NECTIN3: variants seen among roughly 807,000 people sequenced by gnomAD.
NECTIN3 encodes nectin cell adhesion molecule 3, also known as nectin-3.
In NECTIN3, 8 loss-of-function variants were observed where a neutral mutation model predicts 49.4. The observed-to-expected ratio is 0.16, with a 90% confidence interval of 0.10 to 0.29. The LOEUF (loss-of-function observed/expected upper bound fraction) is 0.29. Ranked by LOEUF, NECTIN3 falls within the 10% of genes least tolerant of loss-of-function variation. NECTIN3 has a pLI of 1.00. For synonymous variants in NECTIN3, 277 were observed against 241.1 expected (o/e 1.15, Z -1.38); for missense variants, 581 against 654.6 (o/e 0.89, Z 1.23).
rs547799213 is a variant in NECTIN3 at position 111,166,604 on chromosome 3, A to C, written c.1221+19120A>C. On this transcript the variant is annotated intron_variant, in intron 7 of 8. Coordinates refer to the NECTIN3 transcript ENST00000493615. ...TGTTTTCTGTGCCTACTTGATGTTT[A>C]TCTAATTTGAGATCTGGGATCAATC... Among the ~76,000 whole-genome samples, 5 of 152,358 alleles carry C rather than the reference A, an allele frequency of 3.3e-5. No individual in the cohort carries two copies. In the South Asian group the frequency reaches 1.0e-3, roughly 32 times the overall value.
chr3:111,184,381 A>G (rs1192544921), intron 7 of NECTIN3, among the ~76,000 whole-genome samples: 2 of 152,208 alleles, frequency 1.3e-5, no homozygotes, highest in Non-Finnish European at 2.9e-5. Context: ...ACCTTCATTA[A>G]TAGATTAATA....
At chr3:111,162,533 T>G (rs2035234252) in intron 7 of NECTIN3, among the ~76,000 whole-genome samples, 1 of 152,234 alleles carries the variant, frequency 6.6e-6, no homozygotes, top group African/African-American at 2.4e-5. Flanking sequence ...GTGAGTCAAT[T>G]AAACCTCTTT....
chr3:111,107,138 C>T (rs746391334), intron 1 of NECTIN3, among the ~76,000 whole-genome samples: 10 of 151,658 alleles, frequency 6.6e-5, no homozygotes, highest in African/African-American at 9.7e-5. Context: ...TTTAAAAAAC[C>T]CATAGTAGTT....
downstream of NECTIN3, among the ~76,000 whole-genome samples, chr3:111,142,255 A>T (rs1363128893): frequency 6.6e-6 from 1 of 151,956 alleles, no homozygotes; most frequent in Non-Finnish European, 1.5e-5. Flanking sequence ...CTTATTTAGC[A>T]TAATCATTTG....
intron 7 of NECTIN3, among the ~76,000 whole-genome samples, chr3:111,182,114 A>G (rs965669010): frequency 2.6e-5 from 4 of 152,070 alleles, no homozygotes; most frequent in African/African-American, 9.7e-5. Flanking sequence ...GTTATTTAGA[A>G]GTATATTTTA....
intron 1 of NECTIN3, among the ~76,000 whole-genome samples, chr3:111,089,605 T>G (rs891765585): frequency 6.6e-6 from 1 of 152,150 alleles, no homozygotes; most frequent in African/African-American, 2.4e-5. Flanking sequence ...TTTAAAGTTA[T>G]CTTTCTTACT....
chr3:111,099,521 A>G (rs769737821), intron 1 of NECTIN3, among the ~76,000 whole-genome samples: 1 of 152,230 alleles, frequency 6.6e-6, no homozygotes, highest in African/African-American at 2.4e-5. Flanking sequence ...GTTGTAGAAC[A>G]TAGTATTAAT....
intron 1 of NECTIN3, among the ~76,000 whole-genome samples, chr3:111,092,228 A>G (rs1419551668): frequency 6.6e-6 from 1 of 152,102 alleles, no homozygotes; most frequent in Non-Finnish European, 1.5e-5. Flanking sequence ...TCTGCAAATG[A>G]TTTCTTTTGG....
intron 2 of NECTIN3, 102 bp downstream of exon 2, chr3:111,112,473 TTAAAGTA>T (rs1188895304): frequency 1.3e-6 from 1 of 763,016 alleles, no homozygotes; most frequent in Non-Finnish European, 2.0e-6. Flanking sequence ...AACTTTAGGT[TTAAAGTA>T]AAATAATTCA....
At chr3:111,074,927 A>G (rs2031071877) in intron 1 of NECTIN3, 1 of 152,050 alleles carries the variant, frequency 6.6e-6, no homozygotes, top group Non-Finnish European at 1.5e-5. Context: ...GTAATGATGA[A>G]TAACAAGATA....
intron 1 of NECTIN3, among the ~76,000 whole-genome samples, chr3:111,109,356 A>G (rs550290605): frequency 6.6e-6 from 1 of 152,266 alleles, no homozygotes; most frequent in South Asian, 2.1e-4. Flanking sequence ...TGAAGGGGAT[A>G]AAATAAAAAC....
At chr3:111,159,925 C>A (rs1191085365) in intron 7 of NECTIN3, among the ~76,000 whole-genome samples, 1 of 152,182 alleles carries the variant, frequency 6.6e-6, no homozygotes, top group Non-Finnish European at 1.5e-5. Flanking sequence ...TTGCAACAAT[C>A]CTTCAGGAAT....
At chr3:111,076,139 A>G (rs1312132759) in intron 1 of NECTIN3, among the ~76,000 whole-genome samples, 1 of 152,116 alleles carries the variant, frequency 6.6e-6, no homozygotes, top group Non-Finnish European at 1.5e-5. Flanking sequence ...TTATACTTTC[A>G]TCTATTTACA....
At chr3:111,121,040 T>C (rs2033929883) in intron 3 of NECTIN3, among the ~76,000 whole-genome samples, 1 of 149,028 alleles carries the variant, frequency 6.7e-6, no homozygotes, top group Non-Finnish European at 1.5e-5. Context: ...TCTCACTCTG[T>C]CGCCCAGGCT....
intron 7 of NECTIN3, among the ~76,000 whole-genome samples, chr3:111,162,407 A>G (rs1359097585): frequency 6.6e-6 from 1 of 151,988 alleles, no homozygotes; most frequent in Non-Finnish European, 1.5e-5. Flanking sequence ...TTCTCATGAG[A>G]CCTGATGGTG....
At chr3:111,142,490 A>G (rs1021434368), downstream of NECTIN3, among the ~76,000 whole-genome samples, 1 of 152,006 alleles carries the variant, frequency 6.6e-6, no homozygotes, top group Non-Finnish European at 1.5e-5. Context: ...TCCTAGAGCT[A>G]GAAATTATAA....
intron 1 of NECTIN3, among the ~76,000 whole-genome samples, chr3:111,098,654 T>A (rs1576096026): frequency 6.6e-6 from 1 of 152,308 alleles, no homozygotes; most frequent in East Asian, 1.9e-4. Context: ...CAGAGACTCA[T>A]TTTTCCAAAT....
In NECTIN3 at chr3:111,134,035, T is replaced by G. The variant is rs778260180; in HGVS notation, c.1470T>G (p.Pro490=). 17 of 1,612,928 alleles carry G rather than the reference T, an allele frequency of 1.1e-5. No homozygotes were observed. The highest frequency in any genetic ancestry group is 1.4e-5 in the Non-Finnish European group (17 of 1,179,484). ...NLIRKDYLEE[P]EKTQWNNVEN... is the part of the protein sequence containing the mutation. ...TACGTAAAGACTATTTAGAAGAGCC[T>G]GAAAAAACTCAGTGGAACAATGTAG... The change falls in exon 6 of 6, where the codon CCT becomes CCG. Residue 490 remains proline (P), a synonymous_variant. Transcript: ENST00000485303.
chr3:111,082,870 G>A (rs2031705016), intron 1 of NECTIN3, among the ~76,000 whole-genome samples: 1 of 152,214 alleles, frequency 6.6e-6, no homozygotes, highest in South Asian at 2.1e-4. Context: ...GGGGTGATGG[G>A]AGATAGTGAC....
Sources: gnomAD v4.1 joint callset for allele counts (sites outside exome capture counted in the v4.1 genomes callset) on GRCh38, gnomAD v4.1.1 for gene constraint, MANE v1.5 for transcripts, NCBI Gene and HGNC (gene_info 2026-07-23, HGNC 2026-07-21) for gene names.